The following DLC1 variants were observed in gnomAD, a reference collection of about 807,000 sequenced individuals.
DLC1 encodes rho GTPase-activating protein 7.
In DLC1, 54 loss-of-function variants were observed where a neutral mutation model predicts 140.3. The observed-to-expected ratio is 0.38, with a 90% CI of 0.31 to 0.48. The LOEUF (loss-of-function observed/expected upper bound fraction) is 0.48, where lower values mean the gene tolerates loss of function less well. Ranked by LOEUF, DLC1 falls within the 20% of genes least tolerant of loss-of-function variation. The pLI is 0.96. For missense variants in DLC1, 2,536 were observed against 1,907.0 expected, an observed-to-expected ratio of 1.33 and a Z score of -6.14; for synonymous variants, 986 against 728.1, an observed-to-expected ratio of 1.35 and a Z score of -5.70.
chr8:13,368,636 A>G (rs1339953048), intron 4 of DLC1, among the ~76,000 whole-genome samples: 1 of 151,998 alleles, frequency 6.6e-6, no homozygotes, highest in Non-Finnish European at 1.5e-5. Flanking sequence ...GACATGCATC[A>G]TTCCTAATAG....
chr8:13,358,946 T>A (rs1452775368), intron 4 of DLC1, among the ~76,000 whole-genome samples: 1 of 135,024 alleles, frequency 7.4e-6, no homozygotes, highest in African/African-American at 3.9e-5. Context: ...AGTTACAAAC[T>A]TTTTTTCTTT....
chr8:13,375,053 A>C (rs1586231225), intron 4 of DLC1, among the ~76,000 whole-genome samples: 1 of 126,652 alleles, frequency 7.9e-6, no homozygotes, highest in Non-Finnish European at 1.6e-5. Context: ...TTTGAGACGG[A>C]GTCTGGCTCT....
chr8:13,553,232 A>G (rs1430074893), intron 1 of DLC1, among the ~76,000 whole-genome samples: 2 of 136,598 alleles, frequency 1.5e-5, no homozygotes, highest in Non-Finnish European at 1.6e-5. Flanking sequence ...ATATATGTAT[A>G]TATATATATA....
At chr8:13,549,577 C>T (rs1195225742) in intron 1 of DLC1, among the ~76,000 whole-genome samples, 1 of 151,954 alleles carries the variant, frequency 6.6e-6, no homozygotes, top group Non-Finnish European at 1.5e-5. Context: ...TGTGACACAA[C>T]GAATCCAAAA....
Position 13,514,738 on chromosome 8 carries a change from T to C in DLC1, c.-262A>G, listed in dbSNP as rs1802527840. 1 of 398,152 alleles carries C rather than the reference T, an allele frequency of 2.5e-6. No individual in the cohort carries two copies. Among genetic ancestry groups the C allele is most frequent in the Non-Finnish European group, 4.4e-6 (1 of 225,760 alleles). The allele number at this position is 398,152 out of a possible 1,614,324, so 24.7% of individuals were successfully genotyped here. A position where few individuals can be genotyped will look rare whatever the true frequency, so the allele number is the denominator to read the frequency against. On this transcript the variant is annotated 5_prime_UTR_variant, in exon 1 of 18. Transcript: ENST00000276297. The stretch of plus-strand genomic sequence containing the variant: ...GAGATCATGGCTCTATTCTGAGCAG[T>C]TTCACGCAGTGTGTGAGTCTAACAA...
At chr8:13,243,917 T>C (rs1223781397) in intron 5 of DLC1, among the ~76,000 whole-genome samples, 3 of 152,178 alleles carry the variant, frequency 2.0e-5, no homozygotes, top group Non-Finnish European at 4.4e-5. Flanking sequence ...TATATGCACC[T>C]GTCCTGGGGT....
intron 1 of DLC1, among the ~76,000 whole-genome samples, chr8:13,586,552 C>CT (rs1805319368): frequency 6.7e-6 from 1 of 149,610 alleles, no homozygotes; most frequent in Non-Finnish European, 1.5e-5. Flanking sequence ...TTTAATTAGA[C>CT]TTTTTTAAAT....
At chr8:13,537,522 C>T (rs1803323443) in intron 1 of DLC1, among the ~76,000 whole-genome samples, 1 of 152,048 alleles carries the variant, frequency 6.6e-6, no homozygotes, top group African/African-American at 2.4e-5. Flanking sequence ...AGTGTAAAAG[C>T]TGACATGGGC....
At chr8:13,353,881 C>T (rs2117043149) in intron 4 of DLC1, among the ~76,000 whole-genome samples, 1 of 151,288 alleles carries the variant, frequency 6.6e-6, no homozygotes, top group Admixed American at 6.6e-5. Context: ...AAAGATTTTT[C>T]TCAAATACTT....
At chr8:13,088,905 C>T (rs375106989) in intron 15 of DLC1, among the ~76,000 whole-genome samples, 10 of 152,084 alleles carry the variant, frequency 6.6e-5, no homozygotes, top group African/African-American at 2.4e-4. Flanking sequence ...CTGCTGTCCC[C>T]AAGCATATTT....
Position 13,555,926 on chromosome 8 carries a change from G to A in DLC1, c.-126+48611C>T, listed in dbSNP as rs1042721599. 2.0e-5 allele frequency among the ~76,000 whole-genome samples: 3 copies of A among 152,026 alleles called. No individual in the cohort carries two copies. The East Asian group carries it at 5.8e-4, about 29-fold the overall frequency. ...CCCTGAACTTTCTAAATGTTTAAAG[G>A]TTTTGTAATACTAACAGCACTTTAC... is the stretch of plus-strand genomic sequence containing the variant. On this transcript the variant is annotated intron_variant, in intron 1 of 1. Transcript: ENST00000631382.
At chr8:13,355,684 C>A (rs936504313) in intron 4 of DLC1, among the ~76,000 whole-genome samples, 2 of 152,158 alleles carry the variant, frequency 1.3e-5, no homozygotes, top group African/African-American at 2.4e-5. Context: ...CAGTTCATTC[C>A]ATTGCACAAT....
At chr8:13,336,082 T>G (rs1487577707) in intron 4 of DLC1, among the ~76,000 whole-genome samples, 2 of 152,166 alleles carry the variant, frequency 1.3e-5, no homozygotes, top group African/African-American at 4.8e-5. Context: ...GAAGGCATAT[T>G]TCTAAAGGCT....
At chr8:13,210,876 T>G (rs1258270853) in intron 5 of DLC1, among the ~76,000 whole-genome samples, 1 of 152,184 alleles carries the variant, frequency 6.6e-6, no homozygotes, top group African/African-American at 2.4e-5. Context: ...TCTTCTGCCT[T>G]AAATAATCTA....
At chr8:13,276,361 G>C (rs562218049) in intron 5 of DLC1, 14 of 1,522,020 alleles carry the variant, frequency 9.2e-6, no homozygotes, top group African/African-American at 1.4e-5. Context: ...AGAGGGGCTC[G>C]CAGGGGGCGC....
chr8:13,140,072 C>T (rs1440133025), intron 5 of DLC1, among the ~76,000 whole-genome samples: 2 of 152,250 alleles, frequency 1.3e-5, no homozygotes, highest in East Asian at 3.9e-4. Context: ...TTCCCCCAGC[C>T]CCTGGTAACC....
chr8:13,164,906 A>C lies in DLC1; in HGVS notation c.1349-49249T>G, dbSNP rs182429792. On this transcript the variant is annotated intron_variant, in intron 5 of 17. Coordinates refer to ENST00000276297, the MANE Select transcript of DLC1 (RefSeq NM_182643.3). ...GAATCTGAATTAGCAGAGATTGTGA[A>C]TCTCCATTTTCCATTTTCTGGAGGC... Among the ~76,000 whole-genome samples the C allele has an allele frequency of 3.2e-3, 487 of 152,312 alleles. 4 individuals are homozygous for C. Among genetic ancestry groups the C allele is most frequent in the African/African-American group, 0.011 (463 of 41,568 alleles).
Position 13,579,354 on chromosome 8 carries a change from TATA to T in DLC1, c.-126+25180_-126+25182del, listed in dbSNP as rs1178358220. Among the ~76,000 whole-genome samples the T allele has an allele frequency of 9.6e-5, 3 of 31,100 alleles. 1 individual carries two copies. Among genetic ancestry groups the T allele is most frequent in the East Asian group, 3.0e-3 (2 of 672 alleles). 20.4% of individuals were successfully genotyped at this position (31,100 alleles called of 152,430 possible). A position where few individuals can be genotyped will look rare whatever the true frequency, so the allele number is the denominator to read the frequency against. On this transcript the variant is annotated intron_variant, in intron 1 of 1. Coordinates refer to the DLC1 transcript ENST00000631382. ...ATATATATATATATATATATATATA[TATA>T]TATATTTTTATATAATACATATTTA...
chr8:13,193,681 A>G (rs1379486853), intron 5 of DLC1, among the ~76,000 whole-genome samples: 2 of 152,186 alleles, frequency 1.3e-5, no homozygotes, highest in South Asian at 2.1e-4. Flanking sequence ...GCCAGAACCA[A>G]AGGAAGTGAG....
Sources: gnomAD v4.1 joint callset for allele counts (sites outside exome capture counted in the v4.1 genomes callset) on GRCh38, gnomAD v4.1.1 for gene constraint, MANE v1.5 for transcripts, NCBI Gene and HGNC (gene_info 2026-07-23, HGNC 2026-07-21) for gene names.